Variants in ZW10 observed in about 807,000 individuals in gnomAD.
ZW10 encodes zw10 kinetochore protein, also known as centromere/kinetochore protein zw10 homolog.
Under a neutral mutation model 87.8 loss-of-function variants are expected in ZW10, and 53 were observed. The ratio of observed to expected loss-of-function variants is 0.60; its 90% CI spans 0.48 to 0.76. The LOEUF (loss-of-function observed/expected upper bound fraction) is 0.76, where lower values mean the gene tolerates loss of function less well. ZW10 is among the 30% of genes least tolerant of loss of function. ZW10 has a pLI of 0.00. For synonymous variants in ZW10, 312 were observed against 329.2 expected (o/e 0.95, Z 0.57); for missense variants, 837 against 923.0 (o/e 0.91, Z 1.21).
chr11:113,745,282 T>C (rs189866600), intron 9 of ZW10, among the ~76,000 whole-genome samples: 175 of 150,562 alleles, frequency 1.2e-3, no homozygotes, highest in African/African-American at 4.1e-3. Flanking sequence ...ACCTTGTTCC[T>C]CAAAGATGCT....
intron 9 of ZW10, 46 bp from the exon 10 acceptor site, chr11:113,744,086 TA>T: frequency 6.7e-7 from 1 of 1,503,588 alleles, no homozygotes; most frequent in Non-Finnish European, 9.2e-7. Context: ...GTTTTCAGAA[TA>T]ATTCAAATAT....
At position 113,739,301 on chromosome 11, in the gene ZW10, G is replaced by T; in HGVS notation, c.1665C>A (p.Leu555=). The T allele has an allele frequency of 6.2e-7, 1 of 1,613,880 alleles. No individual in the cohort carries two copies. The highest frequency in any genetic ancestry group is 8.5e-7 in the Non-Finnish European group (1 of 1,179,908). The change falls in exon 12 of 16, where the codon CTC becomes CTA. Residue 555 remains leucine (L), a synonymous_variant. Transcript: ENST00000200135. Reference sequence around the variant, plus strand: ...CAAGACGCAATCTGAACTGATGCCCGAGGGTCAGCAAGTGGTGAGCAATGT... The same window carrying T: ...CAAGACGCAATCTGAACTGATGCCCTAGGGTCAGCAAGTGGTGAGCAATGT... ...CMYIAHHLLT[L]GHQFRLRLAP...
chr11:113,760,253 T>G lies in ZW10; in HGVS notation c.536A>C (p.Glu179Ala). The G allele has an allele frequency of 6.2e-7, 1 of 1,614,160 alleles. No individual in the cohort carries two copies. The highest frequency in any genetic ancestry group is 8.5e-7 in the Non-Finnish European group (1 of 1,180,020). ...CCATACAATCAGCTTCTGCCACTCT[T>G]CTCCAAGGTGATAAAGTATGTTCTG... ...QKQNILYHLG[E>A]EWQKLIVWKF... Residue 179 changes from glutamate to alanine, a missense_variant, in exon 5 of 16, where the codon GAA (glutamate) becomes GCA (alanine). Coordinates refer to ENST00000200135, the MANE Select transcript of ZW10 (RefSeq NM_004724.4).
chr11:113,733,829 A>G lies in ZW10; in HGVS notation c.2220-15T>C. 6.3e-7 allele frequency: 1 copy of G among 1,587,128 alleles called. No individual in the cohort carries two copies. The highest frequency in any genetic ancestry group is 8.6e-7 in the Non-Finnish European group (1 of 1,166,984). On this transcript the variant is annotated splice_polypyrimidine_tract_variant and intron_variant, in intron 15 of 15. Transcript: ENST00000200135. ...CATCTGCCCACCTGCAAAACGAAAG[A>G]TAGAGTTCCATTTCCTATTAGGTCT...
chr11:113,772,041 T>TA (rs1340983579), intron 1 of ZW10, among the ~76,000 whole-genome samples: 5 of 152,130 alleles, frequency 3.3e-5, no homozygotes, highest in African/African-American at 9.6e-5. Flanking sequence ...TGAGGGAAGA[T>TA]AAAGATTTTT....
At chr11:113,734,804 C>CAAA (rs34510374) in intron 15 of ZW10, among the ~76,000 whole-genome samples, 9 of 134,928 alleles carry the variant, frequency 6.7e-5, no homozygotes, top group East Asian at 2.1e-4. Flanking sequence ...GACTCTGTCT[C>CAAA]AAAAAAAAAA....
At position 113,758,660 on chromosome 11, in the gene ZW10, G is replaced by A. The variant is rs759538125; in HGVS notation, c.627C>T (p.Tyr209=). The A allele has an allele frequency of 2.5e-6, 4 of 1,614,072 alleles. No homozygotes were observed. ...ESYLQTELHL[Y]TEQSHKEEKT... is the part of the protein sequence containing the mutation. Reference sequence around the variant, plus strand: ...TCTCCTCTTTGTGCGATTGTTCAGTGTATAAATGAAGTTCAGTTTGTAGGT... The same window carrying A: ...TCTCCTCTTTGTGCGATTGTTCAGTATATAAATGAAGTTCAGTTTGTAGGT... Residue 209 remains tyrosine, a synonymous_variant, in exon 6 of 16, where the codon TAC becomes TAT. Coordinates refer to ENST00000200135, the MANE Select transcript of ZW10 (RefSeq NM_004724.4).
At chr11:113,735,816 G>C (rs569170213) in intron 15 of ZW10, among the ~76,000 whole-genome samples, 1 of 152,300 alleles carries the variant, frequency 6.6e-6, no homozygotes, top group East Asian at 1.9e-4. Flanking sequence ...CTACGTTTGA[G>C]AAAAGATGAA....
At chr11:113,765,976 C>T (rs1013349377) in intron 2 of ZW10, among the ~76,000 whole-genome samples, 1 of 152,168 alleles carries the variant, frequency 6.6e-6, no homozygotes, top group Non-Finnish European at 1.5e-5. Flanking sequence ...CTACAGGGAG[C>T]AGGACTGGGC....
chr11:113,772,746 G>A (rs1486300137), intron 1 of ZW10, among the ~76,000 whole-genome samples: 1 of 151,372 alleles, frequency 6.6e-6, no homozygotes, highest in Non-Finnish European at 1.5e-5. Context: ...GCCGAGGCGG[G>A]TGGATCACCT....
chr11:113,753,941 T>C (rs910855133), intron 7 of ZW10, among the ~76,000 whole-genome samples: 6 of 152,190 alleles, frequency 3.9e-5, no homozygotes, highest in African/African-American at 1.4e-4. Flanking sequence ...CAAGTGCCAA[T>C]GGAAAAGCTA....
intron 3 of ZW10, 81 bp downstream of exon 3, chr11:113,760,736 C>G (rs1398066226): frequency 4.6e-6 from 6 of 1,312,628 alleles, no homozygotes; most frequent in Non-Finnish European, 6.3e-6. Context: ...ACAAAAAAAC[C>G]CATTATAGTC....
At chr11:113,760,652 A>C in intron 3 of ZW10, 62 bp from the exon 4 acceptor site, 1 of 1,411,584 alleles carries the variant, frequency 7.1e-7, no homozygotes, top group Non-Finnish European at 9.9e-7. Flanking sequence ...GCTTTTAAAC[A>C]TTAAGAAATG....
intron 9 of ZW10, among the ~76,000 whole-genome samples, chr11:113,744,397 C>A (rs540018389): frequency 6.6e-6 from 1 of 151,384 alleles, no homozygotes; most frequent in East Asian, 1.9e-4. Flanking sequence ...AGCACGACTC[C>A]GTCTCAAAAA....
chr11:113,751,553 GA>G (rs996909961), intron 7 of ZW10, among the ~76,000 whole-genome samples: 5 of 151,988 alleles, frequency 3.3e-5, no homozygotes, highest in African/African-American at 1.2e-4. Flanking sequence ...TATGTTAGGG[GA>G]AAAAAATTCA....
chr11:113,751,629 A>G (rs1208593973), intron 7 of ZW10, among the ~76,000 whole-genome samples: 1 of 152,248 alleles, frequency 6.6e-6, no homozygotes, highest in Non-Finnish European at 1.5e-5. Context: ...TAATCCCCGC[A>G]CTTTGGGAGC....
chr11:113,747,009 A>C (rs1020853637), intron 9 of ZW10, among the ~76,000 whole-genome samples: 1 of 151,946 alleles, frequency 6.6e-6, no homozygotes, highest in African/African-American at 2.4e-5. Flanking sequence ...AGGTATATAC[A>C]TTATTTCATA....
intron 5 of ZW10, 118 bp from the exon 6 acceptor site, chr11:113,758,824 T>C (rs1015498723): frequency 3.3e-6 from 3 of 922,950 alleles, no homozygotes; most frequent in Non-Finnish European, 4.9e-6. Flanking sequence ...ATACTCCTAA[T>C]GCAACCAAAT....
Position 113,757,687 on chromosome 11 carries a change from T to C in ZW10, c.900A>G (p.Leu300=), listed in dbSNP as rs561296742. 39 of 1,605,904 alleles carry C rather than the reference T, an allele frequency of 2.4e-5. No individual in the cohort carries two copies. The highest frequency in any genetic ancestry group is 3.2e-5 in the Non-Finnish European group (38 of 1,174,990). ...SEVFTKIRLV[L]EVLQKQLLDL... is the part of the protein sequence containing the mutation. ...CTAGAAGCTGTTTCTGGAGCACTTC[T>C]AGTACCAGTCTGATCTTTGTAAAAA... Residue 300 remains leucine, a synonymous_variant, in exon 7 of 16, where the codon CTA becomes CTG. Coordinates refer to ENST00000200135, the MANE Select transcript of ZW10 (RefSeq NM_004724.4).
Sources: gnomAD v4.1 joint callset for allele counts (sites outside exome capture counted in the v4.1 genomes callset) on GRCh38, gnomAD v4.1.1 for gene constraint, MANE v1.5 for transcripts, NCBI Gene and HGNC (gene_info 2026-07-23, HGNC 2026-07-21) for gene names.